PRORP: variants seen among roughly 807,000 people sequenced by gnomAD.
The protein encoded by PRORP is protein only RNase P catalytic subunit.
Under a neutral mutation model 59.4 loss-of-function variants are expected in PRORP, and 51 were observed. That is an observed-to-expected ratio of 0.86 (90% confidence interval 0.69 to 1.08). The LOEUF (loss-of-function observed/expected upper bound fraction) is 1.08, where lower values mean the gene tolerates loss of function less well. Among genes scored for constraint, PRORP ranks in the 50% least tolerant of loss-of-function variants. The pLI, the probability that PRORP is intolerant of heterozygous loss-of-function variation, is 0.00. For synonymous variants in PRORP, 231 were observed against 245.6 expected (o/e 0.94, Z 0.55); for missense variants, 646 against 690.3 (o/e 0.94, Z 0.72).
intron 5 of PRORP, among the ~76,000 whole-genome samples, chr14:35,247,988 C>G (rs1389828338): frequency 6.6e-6 from 1 of 152,116 alleles, no homozygotes; most frequent in Non-Finnish European, 1.5e-5. Context: ...TGTGTGGGTG[C>G]TAATGGCATC....
intron 4 of PRORP, among the ~76,000 whole-genome samples, chr14:35,134,420 A>G (rs925304832): frequency 6.6e-6 from 1 of 152,046 alleles, no homozygotes; most frequent in African/African-American, 2.4e-5. Flanking sequence ...TAGCAATATC[A>G]GAGTCTCACT....
At chr14:35,232,646 C>T (rs1039202589) in intron 5 of PRORP, among the ~76,000 whole-genome samples, 16 of 152,018 alleles carry the variant, frequency 1.1e-4, no homozygotes, top group African/African-American at 2.7e-4. Flanking sequence ...AATCTGGCAA[C>T]GTCCCAAACT....
At chr14:35,222,953 C>T (rs545394776) in intron 5 of PRORP, among the ~76,000 whole-genome samples, 1 of 152,280 alleles carries the variant, frequency 6.6e-6, no homozygotes, top group East Asian at 1.9e-4. Flanking sequence ...TCTGGGGTTA[C>T]ACTCCCTGTT....
rs1555329355 is a variant in PRORP at position 35,218,459 on chromosome 14, T to TTA, written c.1275+37682_1275+37683insTA. 2.8e-3 allele frequency among the ~76,000 whole-genome samples: 126 copies of TTA among 44,766 alleles called. 2 individuals are homozygous for TTA. The highest frequency in any genetic ancestry group is 9.0e-3 in the African/African-American group (86 of 9,566). 29.4% of individuals were successfully genotyped at this position (44,766 alleles called of 152,430 possible). Reference sequence around the variant, plus strand: ...CTGGGCAACAGAGCAAGATCCTGTCTAAAAAAAGAAAAAAAAAAAAAAAAA... The same window carrying TTA: ...CTGGGCAACAGAGCAAGATCCTGTCTTAAAAAAAAGAAAAAAAAAAAAAAAAA... On this transcript the variant is annotated intron_variant, in intron 5 of 7. Coordinates refer to ENST00000534898, the MANE Select transcript of PRORP (RefSeq NM_014672.4).
intron 5 of PRORP, among the ~76,000 whole-genome samples, chr14:35,191,159 C>G (rs917214809): frequency 2.0e-5 from 3 of 152,104 alleles, no homozygotes; most frequent in African/African-American, 4.8e-5. Flanking sequence ...GTAGGAGGAA[C>G]TTGGTGGGAG....
chr14:35,220,524 A>C (rs1047307353), intron 5 of PRORP, among the ~76,000 whole-genome samples: 5 of 152,112 alleles, frequency 3.3e-5, no homozygotes, highest in African/African-American at 1.2e-4. Flanking sequence ...AGCCCCGCAA[A>C]ACCTCAGACT....
chr14:35,214,675 G>A (rs2049540132), intron 5 of PRORP, among the ~76,000 whole-genome samples: 1 of 152,230 alleles, frequency 6.6e-6, no homozygotes, highest in Admixed American at 6.5e-5. Flanking sequence ...GTGAGGCTGA[G>A]GTGGGTGGAT....
chr14:35,162,461 A>G (rs541529680), intron 4 of PRORP, among the ~76,000 whole-genome samples: 3 of 152,238 alleles, frequency 2.0e-5, no homozygotes, highest in East Asian at 1.9e-4. Flanking sequence ...GTGGTGGAGC[A>G]TATTTTCATA....
At chr14:35,135,681 C>G (rs1341577293) in intron 4 of PRORP, among the ~76,000 whole-genome samples, 3 of 152,024 alleles carry the variant, frequency 2.0e-5, no homozygotes, top group Non-Finnish European at 2.9e-5. Context: ...TTAAGCAGGC[C>G]GGGCATAGTG....
At chr14:35,210,578 G>A (rs1418202654) in intron 5 of PRORP, among the ~76,000 whole-genome samples, 1 of 151,148 alleles carries the variant, frequency 6.6e-6, no homozygotes, top group Non-Finnish European at 1.5e-5. Context: ...TGCAGGAAGA[G>A]GCTCATGTTG....
At chr14:35,153,808 G>A (rs2047841993) in intron 4 of PRORP, among the ~76,000 whole-genome samples, 1 of 152,204 alleles carries the variant, frequency 6.6e-6, no homozygotes, top group Non-Finnish European at 1.5e-5. Context: ...AAACTGCAAA[G>A]TAGAAGGGAG....
chr14:35,186,056 C>T (rs1461495170), intron 5 of PRORP, among the ~76,000 whole-genome samples: 2 of 151,906 alleles, frequency 1.3e-5, no homozygotes, highest in Admixed American at 1.3e-4. Flanking sequence ...CTAAGTGGAA[C>T]TGGGGACTAT....
intron 6 of PRORP, among the ~76,000 whole-genome samples, chr14:35,267,712 C>T (rs1379981060): frequency 6.6e-6 from 1 of 151,758 alleles, no homozygotes; most frequent in Non-Finnish European, 1.5e-5. Flanking sequence ...ACCCGGGAGG[C>T]GGAGCTTGCA....
intron 5 of PRORP, among the ~76,000 whole-genome samples, chr14:35,183,996 T>A (rs1323181584): frequency 6.6e-6 from 1 of 152,174 alleles, no homozygotes; most frequent in Non-Finnish European, 1.5e-5. Context: ...AGTTTTAAGT[T>A]TTTTCCATCT....
chr14:35,215,290 A>G (rs1386623608), intron 5 of PRORP, among the ~76,000 whole-genome samples: 1 of 152,134 alleles, frequency 6.6e-6, no homozygotes, highest in African/African-American at 2.4e-5. Flanking sequence ...GTACTTTAGC[A>G]TCTTCTTGAA....
chr14:35,214,448 T>G (rs2049533894), intron 5 of PRORP, among the ~76,000 whole-genome samples: 1 of 152,222 alleles, frequency 6.6e-6, no homozygotes, highest in Non-Finnish European at 1.5e-5. Context: ...GCTTATCTTC[T>G]GTTGCATCTT....
chr14:35,132,627 A>G (rs1475906304), intron 4 of PRORP, among the ~76,000 whole-genome samples: 5 of 152,032 alleles, frequency 3.3e-5, no homozygotes, highest in Admixed American at 1.3e-4. Context: ...TCTACTAAAA[A>G]TAAAAAAAAA....
At chr14:35,182,329 C>G (rs1490755016) in intron 5 of PRORP, among the ~76,000 whole-genome samples, 1 of 151,794 alleles carries the variant, frequency 6.6e-6, no homozygotes, top group Non-Finnish European at 1.5e-5. Flanking sequence ...CTCACTGTAT[C>G]AGGACTCATA....
intron 5 of PRORP, among the ~76,000 whole-genome samples, chr14:35,215,679 C>T (rs951937956): frequency 3.3e-5 from 5 of 151,946 alleles, no homozygotes; most frequent in African/African-American, 4.8e-5. Context: ...TGCTTGAGCC[C>T]AGGAATTCCA....
Sources: gnomAD v4.1 joint callset for allele counts (sites outside exome capture counted in the v4.1 genomes callset) on GRCh38, gnomAD v4.1.1 for gene constraint, MANE v1.5 for transcripts, NCBI Gene and HGNC (gene_info 2026-07-23, HGNC 2026-07-21) for gene names.